LVRN: variants seen among roughly 807,000 people sequenced by gnomAD.
LVRN encodes the protein aminopeptidase Q.
LVRN carries 99 observed loss-of-function variants against 111.4 expected under a neutral mutation model. That is an observed-to-expected ratio of 0.89 (90% confidence interval 0.76 to 1.05). The LOEUF (loss-of-function observed/expected upper bound fraction) is 1.05. Ranked by LOEUF, LVRN falls within the 50% of genes least tolerant of loss-of-function variation. The pLI, the probability that LVRN is intolerant of heterozygous loss-of-function variation, is 0.00. For synonymous variants in LVRN, 488 were observed against 449.5 expected (o/e 1.09, Z -1.08); for missense variants, 1,414 against 1,206.8 (o/e 1.17, Z -2.54).
intron 1 of LVRN, chr5:115,974,934 C>A: frequency 4.3e-6 from 2 of 466,502 alleles, no homozygotes; most frequent in South Asian, 1.7e-5. Context: ...AGTATTAGGT[C>A]ACTTGATAAA....
chr5:116,003,121 A>C (rs1748272964), intron 11 of LVRN, 120 bp from the exon 12 acceptor site: 1 of 1,018,976 alleles, frequency 9.8e-7, no homozygotes, highest in Non-Finnish European at 1.4e-6. Context: ...TATATATTTT[A>C]GAATTCCTTT....
At chr5:115,974,869 C>T (rs78607105) in intron 1 of LVRN, 206 of 408,406 alleles carry the variant, frequency 5.0e-4, no homozygotes, top group African/African-American at 2.7e-3. Flanking sequence ...TGCTCTCTCC[C>T]GACCAATCTC....
At chr5:115,966,907 C>G (rs1440417171) in intron 1 of LVRN, among the ~76,000 whole-genome samples, 4 of 152,116 alleles carry the variant, frequency 2.6e-5, no homozygotes, top group African/African-American at 9.7e-5. Flanking sequence ...TGATGTTAAA[C>G]ATTTTTTTGT....
At chr5:115,987,721 T>C (rs1027990599) in intron 3 of LVRN, 92 bp from the exon 4 acceptor site, 2 of 1,427,802 alleles carry the variant, frequency 1.4e-6, no homozygotes, top group Non-Finnish European at 1.9e-6. Flanking sequence ...GGTAAGACTT[T>C]GGTTCAGCAG....
intron 9 of LVRN, 152 bp from the exon 10 acceptor site, chr5:116,000,915 C>A: frequency 1.2e-6 from 1 of 821,068 alleles, no homozygotes; most frequent in Non-Finnish European, 1.9e-6. Context: ...CATATATAAA[C>A]AGAGTTCTAA....
At position 115,993,757 on chromosome 5, in the gene LVRN, T is replaced by C; in HGVS notation, c.1277T>C (p.Val426Ala). 6.2e-7 allele frequency: 1 copy of C among 1,604,882 alleles called. No homozygotes were observed. Among genetic ancestry groups the C allele is most frequent in the Non-Finnish European group, 8.5e-7 (1 of 1,177,604 alleles). Residue 426 changes from valine to alanine, a missense_variant, in exon 6 of 20, where the codon GTT becomes GCT. Val to Ala is a moderately conservative substitution (Grantham distance 64, BLOSUM62 0). Transcript: ENST00000357872. ...EIGHQWFGNL[V>A]TMNWWNNIWL... ...TTCCAAAAGTGGTTTGGAAACTTGG[T>C]TACCATGAATTGGTGGAACAATATC...
At chr5:115,978,443 T>C (rs906940584) in intron 1 of LVRN, among the ~76,000 whole-genome samples, 1 of 152,180 alleles carries the variant, frequency 6.6e-6, no homozygotes, top group Non-Finnish European at 1.5e-5. Flanking sequence ...ATTGTCCTTT[T>C]ACAGTGGGAA....
chr5:116,010,822 A>G lies in LVRN; in HGVS notation c.2175A>G (p.Thr725=), dbSNP rs1748473532. ...AAGATGAAATTATAGTATGGCATACAGTCTTGGTAAACTTGGTAACCAGGG... is the reference window on the plus strand; with the variant it reads ...AAGATGAAATTATAGTATGGCATACGGTCTTGGTAAACTTGGTAACCAGGG... ...AEEDEIIVWH[T]VLVNLVTRDL... The change falls in exon 14 of 20, where the codon ACA becomes ACG. Residue 725 remains threonine, a synonymous_variant. Coordinates refer to ENST00000357872, the MANE Select transcript of LVRN (RefSeq NM_173800.5). The G allele has an allele frequency of 5.6e-6, 9 of 1,612,334 alleles. No individual in the cohort carries two copies. Among genetic ancestry groups the G allele is most frequent in the Non-Finnish European group, 7.6e-6 (9 of 1,179,154 alleles).
intron 1 of LVRN, among the ~76,000 whole-genome samples, chr5:115,973,693 A>G (rs1232443546): frequency 2.6e-5 from 4 of 152,216 alleles, no homozygotes; most frequent in African/African-American, 9.6e-5. Flanking sequence ...GTAAGTACAA[A>G]ATTGTTCAAA....
rs1747975625 is a variant in LVRN, at chr5:115,991,145, G to T, written c.1106-978G>T. Among the ~76,000 whole-genome samples the T allele has an allele frequency of 2.6e-5, 4 of 152,100 alleles. 1 individual carries two copies. Among genetic ancestry groups the T allele is most frequent in the African/African-American group, 9.7e-5 (4 of 41,416 alleles). ...ATAATGACCAGTATTGACAATTACA[G>T]TATCATACAGAATAGTTTCACTGCC... On this transcript the variant is annotated intron_variant, in intron 4 of 19. Coordinates refer to ENST00000357872, the MANE Select transcript of LVRN (RefSeq NM_173800.5).
At chr5:115,983,242 G>T in intron 1 of LVRN, 45 bp from the exon 2 acceptor site, 2 of 1,481,120 alleles carry the variant, frequency 1.4e-6, no homozygotes, top group Non-Finnish European at 8.9e-7. Context: ...TATTCCACTG[G>T]GTTGAAATAA....
At chr5:115,980,069 C>T (rs1327751627) in intron 1 of LVRN, among the ~76,000 whole-genome samples, 2 of 152,086 alleles carry the variant, frequency 1.3e-5, no homozygotes, top group African/African-American at 4.8e-5. Flanking sequence ...GAAAGTTGCT[C>T]TGCAATACTG....
At chr5:116,014,381 A>G in intron 15 of LVRN, 39 bp from the exon 16 acceptor site, 1 of 1,444,432 alleles carries the variant, frequency 6.9e-7, no homozygotes. Flanking sequence ...GAAGGTGGTA[A>G]TGCAAAATAA....
At chr5:116,017,797 T>A (rs527892235) in intron 18 of LVRN, among the ~76,000 whole-genome samples, 11 of 152,378 alleles carry the variant, frequency 7.2e-5, no homozygotes, top group Admixed American at 6.5e-5. Flanking sequence ...ATTATTATTA[T>A]CTTACTGAGA....
rs1050461922 is a variant in LVRN, at chr5:116,027,378, T to C, written c.*1260T>C. The C allele has an allele frequency of 3.9e-5, 6 of 152,188 alleles. No homozygotes were observed. The highest frequency in any genetic ancestry group is 7.3e-5 in the Non-Finnish European group (5 of 68,042). 9.4% of individuals were successfully genotyped at this position (152,188 alleles called of 1,614,324 possible). A position where few individuals can be genotyped will look rare whatever the true frequency, so the allele number is the denominator to read the frequency against. On this transcript the variant is annotated 3_prime_UTR_variant, in exon 20 of 20. Transcript: ENST00000357872. ...TGATTAAGACTTTTTGCCTATTTCT[T>C]GTATAAGTTAAGGCAGCCATAAATG... is the stretch of plus-strand genomic sequence containing the variant.
chr5:115,970,607 G>A (rs901832200), intron 1 of LVRN, among the ~76,000 whole-genome samples: 1 of 151,990 alleles, frequency 6.6e-6, no homozygotes, highest in Non-Finnish European at 1.5e-5. Flanking sequence ...AGATGGCCTC[G>A]ATATTCTGAC....
chr5:115,996,023 C>A (rs184494821), intron 6 of LVRN, among the ~76,000 whole-genome samples: 1 of 152,146 alleles, frequency 6.6e-6, no homozygotes, highest in East Asian at 1.9e-4. Flanking sequence ...CTCCAACAGT[C>A]CTTTCCACTT....
chr5:116,012,457 C>T lies in LVRN; in HGVS notation c.2331C>T (p.Asp777=), dbSNP rs759592800. The change falls in exon 15 of 20, where the codon GAC becomes GAT. Residue 777 remains aspartate (D), a synonymous_variant. Transcript: ENST00000357872. ...IRENVLALQD[D]YLALISLEKL... ...AAAATGTGTTGGCATTACAAGATGA[C>T]TACTTAGCTCTGTAAGTATGTTTTC... is the stretch of plus-strand genomic sequence containing the variant. The T allele has an allele frequency of 2.5e-5, 38 of 1,532,952 alleles. No individual in the cohort carries two copies. Among genetic ancestry groups the T allele is most frequent in the Non-Finnish European group, 2.1e-5 (23 of 1,117,962 alleles). The allele number at this position is 1,532,952 out of a possible 1,614,324, so 95.0% of individuals were successfully genotyped here. A position where few individuals can be genotyped will look rare whatever the true frequency, so the allele number is the denominator to read the frequency against.
At chr5:115,988,087 A>G (rs17138567) in intron 4 of LVRN, 148 bp downstream of exon 4, 168,448 of 1,046,896 alleles carry the variant, frequency 0.16, 15,672 homozygotes, top group East Asian at 0.38. Flanking sequence ...TATGCCTTAT[A>G]CCTTCTGAAA....
Sources: allele counts gnomAD v4.1 joint callset (sites outside exome capture counted in the v4.1 genomes callset), GRCh38; gene constraint gnomAD v4.1.1; transcripts MANE v1.5; gene names NCBI Gene and HGNC (gene_info 2026-07-23, HGNC 2026-07-21).